Variants in ZDHHC15 observed in about 807,000 individuals in gnomAD.
The protein encoded by ZDHHC15 is zDHHC palmitoyltransferase 15.
Under a neutral mutation model 31.7 loss-of-function variants are expected in ZDHHC15, and 19 were observed. That is an observed-to-expected ratio of 0.60 (90% confidence interval 0.42 to 0.88). The LOEUF (loss-of-function observed/expected upper bound fraction) is 0.88, where lower values mean the gene tolerates loss of function less well. Ranked by LOEUF, ZDHHC15 falls within the 40% of genes least tolerant of loss-of-function variation. ZDHHC15 has a pLI of 0.00. For missense variants in ZDHHC15, 209 were observed against 251.2 expected (o/e 0.83, Z 1.14); for synonymous variants, 103 against 90.0 (o/e 1.14, Z -0.82).
intron 3 of ZDHHC15, among the ~76,000 whole-genome samples, chrX:75,473,067 C>A (rs186888145): frequency 1.8e-5 from 2 of 112,075 alleles, no homozygotes; most frequent in Non-Finnish European, 3.8e-5. Context: ...TCCACCATCA[C>A]GGTAATCCAC....
At chrX:75,395,599 T>C (rs1475993528) in intron 10 of ZDHHC15, among the ~76,000 whole-genome samples, 1 of 111,948 alleles carries the variant, frequency 8.9e-6, no homozygotes, top group African/African-American at 3.2e-5. Flanking sequence ...AGAAGATTGT[T>C]AAAATGTCCA....
chrX:75,433,111 A>G (rs1369301770), intron 4 of ZDHHC15, among the ~76,000 whole-genome samples: 1 of 111,909 alleles, frequency 8.9e-6, no homozygotes, highest in African/African-American at 3.2e-5. Flanking sequence ...GCCTCTGCCT[A>G]TCTCTTCAAA....
intron 3 of ZDHHC15, among the ~76,000 whole-genome samples, chrX:75,476,399 C>T (rs186651188): frequency 5.4e-5 from 6 of 110,804 alleles, no homozygotes; most frequent in Admixed American, 1.9e-4. Context: ...TGTTAAAAGT[C>T]TATTCAGATT....
At chrX:75,509,196 T>C (rs972149987) in intron 1 of ZDHHC15, among the ~76,000 whole-genome samples, 1 of 111,796 alleles carries the variant, frequency 8.9e-6, no homozygotes, top group Non-Finnish European at 1.9e-5. Flanking sequence ...AAAGATCTTC[T>C]GCACAGCAAA....
At chrX:75,516,272 T>C (rs1262011567) in intron 1 of ZDHHC15, among the ~76,000 whole-genome samples, 6 of 111,867 alleles carry the variant, frequency 5.4e-5, no homozygotes, top group Non-Finnish European at 9.4e-5. Flanking sequence ...GAGCCTGCAT[T>C]GCCAAGACAA....
chrX:75,393,537 T>C (rs1008458292), intron 10 of ZDHHC15, among the ~76,000 whole-genome samples: 15 of 111,248 alleles, frequency 1.3e-4, no homozygotes, highest in Non-Finnish European at 2.4e-4. Flanking sequence ...GTGTCGAGTG[T>C]ATTTATTTTA....
At chrX:75,468,676 T>G (rs766191193) in intron 3 of ZDHHC15, among the ~76,000 whole-genome samples, 1 of 111,860 alleles carries the variant, frequency 8.9e-6, no homozygotes, top group African/African-American at 3.2e-5. Context: ...CATTTTACAT[T>G]CCTAGTAGCA....
intron 2 of ZDHHC15, among the ~76,000 whole-genome samples, chrX:75,493,912 A>C (rs1167457665): frequency 9.0e-6 from 1 of 111,669 alleles, no homozygotes; most frequent in Admixed American, 9.6e-5. Flanking sequence ...TATTCAACAC[A>C]GTGTTGGAAA....
chrX:75,413,232 C>A (rs909247522), intron 10 of ZDHHC15, among the ~76,000 whole-genome samples: 1 of 111,575 alleles, frequency 9.0e-6, no homozygotes, highest in African/African-American at 3.3e-5. Context: ...AGAGTTATTC[C>A]TTTGCAAATA....
At position 75,432,969 on chromosome X, in the gene ZDHHC15, G is replaced by T. The variant is rs1229550040; in HGVS notation, c.380-1449C>A. Among the ~76,000 whole-genome samples, 25 of 110,213 alleles carry T rather than the reference G, an allele frequency of 2.3e-4. No homozygotes were observed. In the Admixed American group the frequency reaches 2.4e-3, roughly 11 times the overall value. On this transcript the variant is annotated intron_variant, in intron 4 of 11. Coordinates refer to ENST00000373367, the MANE Select transcript of ZDHHC15 (RefSeq NM_144969.3). ...ACTGTACTCCAGCCTGGGCGATAGA[G>T]CAAGATCCTGTTTCTAAAAATAAAA...
chrX:75,506,689 T>C (rs760155670), intron 1 of ZDHHC15, among the ~76,000 whole-genome samples: 14 of 112,400 alleles, frequency 1.2e-4, no homozygotes, highest in Non-Finnish European at 2.3e-4. Flanking sequence ...AAATGAAGCA[T>C]TGATCAGTCA....
intron 9 of ZDHHC15, among the ~76,000 whole-genome samples, chrX:75,419,937 T>A (rs2083602020): frequency 1.5e-5 from 1 of 65,808 alleles, no homozygotes; most frequent in Non-Finnish European, 2.6e-5. Context: ...CATCACACAC[T>A]GGGGTCTGTT....
At chrX:75,401,001 G>T (rs1435117099) in intron 10 of ZDHHC15, among the ~76,000 whole-genome samples, 1 of 110,839 alleles carries the variant, frequency 9.0e-6, no homozygotes, top group Non-Finnish European at 1.9e-5. Flanking sequence ...AGAAAGGAAA[G>T]ACTGCTACCA....
chrX:75,382,696 C>T (rs1400264043), intron 10 of ZDHHC15, among the ~76,000 whole-genome samples: 1 of 111,919 alleles, frequency 8.9e-6, no homozygotes, highest in East Asian at 2.8e-4. Context: ...ACAGTGGCCT[C>T]TAGATTATAA....
At chrX:75,448,246 C>T (rs894317085) in intron 4 of ZDHHC15, among the ~76,000 whole-genome samples, 11 of 112,314 alleles carry the variant, frequency 9.8e-5, no homozygotes, top group Admixed American at 4.7e-4. Context: ...GACCCAGACT[C>T]TTCAGAACTG....
intron 4 of ZDHHC15, among the ~76,000 whole-genome samples, chrX:75,444,683 TATATAC>T (rs1443426348): frequency 4.9e-4 from 17 of 34,556 alleles, no homozygotes; most frequent in East Asian, 1.2e-3. Context: ...TATATATATA[TATATAC>T]ACACACACAC....
intron 10 of ZDHHC15, among the ~76,000 whole-genome samples, chrX:75,383,743 T>TG (rs1012790708): frequency 2.3e-5 from 2 of 88,299 alleles, no homozygotes; most frequent in Non-Finnish European, 4.5e-5. Context: ...AGGTTTTTTT[T>TG]TTTTTTTTTT....
At chrX:75,399,336 A>T (rs780654490) in intron 10 of ZDHHC15, among the ~76,000 whole-genome samples, 1 of 111,308 alleles carries the variant, frequency 9.0e-6, no homozygotes, top group East Asian at 2.9e-4. Flanking sequence ...CCACCCTTGG[A>T]GTAACAAAGG....
intron 4 of ZDHHC15, among the ~76,000 whole-genome samples, chrX:75,434,778 C>G (rs745442448): frequency 8.9e-6 from 1 of 112,053 alleles, no homozygotes; most frequent in Admixed American, 9.5e-5. Flanking sequence ...CGTGATGCCT[C>G]CAGATTTGTT....
Sources: gnomAD v4.1 joint callset for allele counts (sites outside exome capture counted in the v4.1 genomes callset) on GRCh38, gnomAD v4.1.1 for gene constraint, MANE v1.5 for transcripts, NCBI Gene and HGNC (gene_info 2026-07-23, HGNC 2026-07-21) for gene names.